Variants in ARHGAP42 observed in about 807,000 individuals in gnomAD.
ARHGAP42 encodes Rho GTPase activating protein 42.
A neutral mutation model predicts 125.0 loss-of-function variants in ARHGAP42; 63 were observed. The ratio of observed to expected loss-of-function variants is 0.50; its 90% CI spans 0.41 to 0.62. ARHGAP42 has a LOEUF of 0.62. Ranked by LOEUF, ARHGAP42 falls within the 20% of genes least tolerant of loss-of-function variation. The probability of loss-of-function intolerance (pLI) is 0.00; values close to 1 mark genes in which losing one functional copy is unlikely to be tolerated. For missense variants in ARHGAP42, 766 were observed against 1,024.2 expected (o/e 0.75, Z 3.44); for synonymous variants, 339 against 351.0 (o/e 0.97, Z 0.38).
intron 4 of ARHGAP42, among the ~76,000 whole-genome samples, chr11:100,873,077 A>T (rs886425685): frequency 6.6e-6 from 1 of 152,230 alleles, no homozygotes; most frequent in Non-Finnish European, 1.5e-5. Flanking sequence ...TCTACCATCC[A>T]GCAGGTGCAA....
chr11:100,901,031 C>T (rs1038572899), intron 4 of ARHGAP42, among the ~76,000 whole-genome samples: 29 of 152,276 alleles, frequency 1.9e-4, no homozygotes, highest in African/African-American at 6.7e-4. Flanking sequence ...GTGGTTTTAT[C>T]TGCCTTTGGT....
intron 1 of ARHGAP42, among the ~76,000 whole-genome samples, chr11:100,690,998 T>C (rs118187044): frequency 1.9e-3 from 284 of 152,356 alleles, no homozygotes; most frequent in Middle Eastern, 3.4e-3. Context: ...CTTTTGGTGT[T>C]ATCAAGTACA....
intron 4 of ARHGAP42, among the ~76,000 whole-genome samples, chr11:100,862,219 C>T (rs1865460609): frequency 6.6e-6 from 1 of 152,136 alleles, no homozygotes; most frequent in African/African-American, 2.4e-5. Flanking sequence ...TGCACCAAAT[C>T]ACAGAGCTGA....
At chr11:100,897,315 C>CAATGCTG (rs1866389914) in intron 4 of ARHGAP42, among the ~76,000 whole-genome samples, 1 of 152,176 alleles carries the variant, frequency 6.6e-6, no homozygotes, top group Non-Finnish European at 1.5e-5. Context: ...ATTGACTTGG[C>CAATGCTG]AATGCTGTCT....
At chr11:100,867,157 T>G (rs1026627183) in intron 4 of ARHGAP42, among the ~76,000 whole-genome samples, 2 of 152,170 alleles carry the variant, frequency 1.3e-5, no homozygotes, top group Non-Finnish European at 2.9e-5. Context: ...GGTCTAAGAT[T>G]TCTGGAATGG....
rs1474580110 is a variant in ARHGAP42, at chr11:100,913,494, T to G, written c.427T>G (p.Ser143Ala). 1.5e-6 allele frequency: 2 copies of G among 1,298,604 alleles called. No homozygotes were observed. Among genetic ancestry groups the G allele is most frequent in the Admixed American group, 4.7e-5 (2 of 42,380 alleles). 80.4% of individuals were successfully genotyped at this position (1,298,604 alleles called of 1,614,324 possible). A position where few individuals can be genotyped will look rare whatever the true frequency, so the allele number is the denominator to read the frequency against. ...KFDKESEKYY[S>A]ILEKHLNLSA... ...TGACAAAGAGAGTGAAAAATATTAC[T>G]CTATCCTTGAAAAGCATTTAAATTT... Residue 143 changes from serine to alanine, a missense_variant, in exon 5 of 24, where the codon TCT becomes GCT. By Grantham distance (99) the Ser-to-Ala change is moderately conservative. Transcript: ENST00000298815.
chr11:100,897,965 T>C (rs1195156698), intron 4 of ARHGAP42, among the ~76,000 whole-genome samples: 5 of 152,220 alleles, frequency 3.3e-5, no homozygotes, highest in African/African-American at 1.2e-4. Flanking sequence ...CAGTATGATA[T>C]TGGCTGTGGG....
In ARHGAP42 at chr11:100,936,161, G is replaced by T. The variant is rs1453566691; in HGVS notation, c.703-42G>T. The T allele has an allele frequency of 2.6e-6, 4 of 1,547,430 alleles. No homozygotes were observed. The South Asian group carries it at 3.6e-5, about 14-fold the overall frequency. On this transcript the variant is annotated intron_variant, in intron 7 of 23. Transcript: ENST00000298815. ...TTAGTCTGGATGTTGCTGAAACTTG[G>T]TAGAAAATAATGACTGAAATTATTG...
In ARHGAP42 at chr11:100,842,998, A is replaced by G. The variant is rs562418874; in HGVS notation, c.313-16556A>G. Among the ~76,000 whole-genome samples the G allele has an allele frequency of 9.3e-4, 142 of 152,214 alleles. 2 individuals are homozygous for G. In the South Asian group the frequency reaches 0.028, roughly 30 times the overall value. On this transcript the variant is annotated intron_variant, in intron 3 of 23. Transcript: ENST00000298815. ...AGAACTAAATGAAATTGAAACAAAA[A>G]GAAATACAAAAGATAAATGAAACAA...
chr11:100,770,493 A>G, intron 2 of ARHGAP42, 55 bp downstream of exon 2: 3 of 1,174,942 alleles, frequency 2.6e-6, no homozygotes, highest in Non-Finnish European at 3.6e-6. Context: ...TACTGAAATC[A>G]AATAGACACA....
intron 3 of ARHGAP42, among the ~76,000 whole-genome samples, chr11:100,831,210 TGTG>T (rs1864655961): frequency 6.6e-6 from 1 of 152,146 alleles, no homozygotes; most frequent in African/African-American, 2.4e-5. Flanking sequence ...AGCCAGCTGT[TGTG>T]ATGATTATAC....
At chr11:100,827,721 A>G (rs1165017084) in intron 3 of ARHGAP42, among the ~76,000 whole-genome samples, 1 of 152,232 alleles carries the variant, frequency 6.6e-6, no homozygotes, top group Non-Finnish European at 1.5e-5. Flanking sequence ...AGTAAGTCTC[A>G]AATAACCTGT....
intron 3 of ARHGAP42, among the ~76,000 whole-genome samples, chr11:100,857,270 C>G (rs1865343336): frequency 6.6e-6 from 1 of 151,824 alleles, no homozygotes; most frequent in Non-Finnish European, 1.5e-5. Context: ...GAAAAATAAC[C>G]CAAGAAATGT....
At position 100,989,950 on chromosome 11, in the gene ARHGAP42, C is replaced by G. The variant is rs1203736423; in HGVS notation, c.*1149C>G. The G allele has an allele frequency of 6.6e-6, 1 of 152,124 alleles. No individual in the cohort carries two copies. The highest frequency in any genetic ancestry group is 1.9e-4 in the East Asian group (1 of 5,186). The allele number at this position is 152,124 out of a possible 1,614,324, so 9.4% of individuals were successfully genotyped here. On this transcript the variant is annotated 3_prime_UTR_variant, in exon 24 of 24. Coordinates refer to ENST00000298815, the MANE Select transcript of ARHGAP42 (RefSeq NM_152432.4). ...GTTGAAATTGTTTTGTGATCTTCAG[C>G]AGAAATAAAATCTGTACATGATTTT...
intron 13 of ARHGAP42, among the ~76,000 whole-genome samples, chr11:100,960,225 C>T (rs1429301479): frequency 8.7e-6 from 1 of 114,818 alleles, no homozygotes; most frequent in Admixed American, 8.0e-5. Context: ...CTGCAAGCAC[C>T]TCTTTGATTT....
intron 6 of ARHGAP42, among the ~76,000 whole-genome samples, chr11:100,922,006 G>T (rs2135245169): frequency 6.6e-6 from 1 of 152,158 alleles, no homozygotes; most frequent in African/African-American, 2.4e-5. Flanking sequence ...GGGGACAGGT[G>T]AGCTGAGAGG....
intron 4 of ARHGAP42, among the ~76,000 whole-genome samples, chr11:100,906,295 C>A (rs994654556): frequency 2.0e-5 from 3 of 152,162 alleles, no homozygotes; most frequent in Non-Finnish European, 4.4e-5. Flanking sequence ...ATTTTACCCT[C>A]AACCTGGATT....
chr11:100,771,413 T>C (rs1448279943), intron 2 of ARHGAP42, among the ~76,000 whole-genome samples: 1 of 152,212 alleles, frequency 6.6e-6, no homozygotes, highest in African/African-American at 2.4e-5. Flanking sequence ...AGCTTATAGA[T>C]GTGTGGTCCC....
rs552128260 is a variant in ARHGAP42 at position 100,848,323 on chromosome 11, G to T, written c.313-11231G>T. ...ACTATTAATATACTTGAATGTGTTA[G>T]GACACTACTGAAAGCAGAAAGTTAC... On this transcript the variant is annotated intron_variant, in intron 3 of 23. Coordinates refer to ENST00000298815, the MANE Select transcript of ARHGAP42 (RefSeq NM_152432.4). Among the ~76,000 whole-genome samples, 30 of 152,112 alleles carry T rather than the reference G, an allele frequency of 2.0e-4. No homozygotes were observed. In the South Asian group the frequency reaches 6.0e-3, roughly 31 times the overall value.
Sources: gnomAD v4.1 joint callset for allele counts (sites outside exome capture counted in the v4.1 genomes callset) on GRCh38, gnomAD v4.1.1 for gene constraint, MANE v1.5 for transcripts, NCBI Gene and HGNC (gene_info 2026-07-23, HGNC 2026-07-21) for gene names.